The following TRANK1 variants were observed in gnomAD, a reference collection of about 807,000 sequenced individuals.
TRANK1 encodes TPR and ankyrin repeat-containing protein 1.
TRANK1 carries 198 observed loss-of-function variants against 266.0 expected under a neutral mutation model. The observed-to-expected ratio is 0.74, with a 90% CI of 0.66 to 0.84. The LOEUF (loss-of-function observed/expected upper bound fraction) is 0.84, where lower values mean the gene tolerates loss of function less well. Among genes scored for constraint, TRANK1 ranks in the 40% least tolerant of loss-of-function variants. The pLI is 0.00. For synonymous variants in TRANK1, 1,396 were observed against 1,384.1 expected, an observed-to-expected ratio of 1.01 and a Z score of -0.19; for missense variants, 3,326 against 3,634.6, an observed-to-expected ratio of 0.92 and a Z score of 2.18.
At position 36,831,828 on chromosome 3, in the gene TRANK1, C is replaced by G. The variant is rs370288338; in HGVS notation, c.7755G>C (p.Leu2585=). The change falls in exon 22 of 24, where the codon CTG becomes CTC. Residue 2585 remains leucine (L), a synonymous_variant. Coordinates refer to ENST00000645898, the MANE Select transcript of TRANK1 (RefSeq NM_001329998.2). The surrounding 1 kb of genome is among the most constrained non-coding windows in gnomAD (Gnocchi z 5.0). ...EILQPYCKPL[L]YRHFREIESR... is the part of the protein sequence containing the mutation. ...ACTCAATCTCCCGGAAGTGGCGATA[C>G]AGGAGAGGCTTGCAGTATGGCTGCA... The G allele has an allele frequency of 1.2e-3, 1,966 of 1,613,888 alleles. 4 individuals carry two copies. Among genetic ancestry groups the G allele is most frequent in the Non-Finnish European group, 1.6e-3 (1,903 of 1,179,890 alleles).
intron 8 of TRANK1, among the ~76,000 whole-genome samples, chr3:36,876,194 C>T (rs2079386192): frequency 6.6e-6 from 1 of 152,222 alleles, no homozygotes. Context: ...CTCAGCCTTA[C>T]CAGATTTGAT....
chr3:36,842,801 C>G (rs548493018), intron 17 of TRANK1, 91 bp from the exon 18 acceptor site: 27 of 1,119,278 alleles, frequency 2.4e-5, no homozygotes, highest in Non-Finnish European at 3.2e-5. Flanking sequence ...CCTCCGCCAG[C>G]CATCAAATTC....
chr3:36,847,002 A>G (rs1330261624), intron 16 of TRANK1, among the ~76,000 whole-genome samples, 198 bp downstream of exon 16: 7 of 152,060 alleles, frequency 4.6e-5, no homozygotes, highest in Admixed American at 4.6e-4. Context: ...GTATCCACCC[A>G]TCAAGCCCAG....
At chr3:36,935,079 C>T (rs1456433556) in intron 1 of TRANK1, among the ~76,000 whole-genome samples, 1 of 152,174 alleles carries the variant, frequency 6.6e-6, no homozygotes, top group Admixed American at 6.5e-5. Flanking sequence ...CCAAGATCAC[C>T]CAGGCCCCCA....
chr3:36,889,185 A>C (rs533640762), intron 8 of TRANK1, among the ~76,000 whole-genome samples: 30 of 152,296 alleles, frequency 2.0e-4, no homozygotes, highest in African/African-American at 7.0e-4. Flanking sequence ...ACAGAGGCTG[A>C]GAGTCCACTG....
chr3:36,936,185 C>T (rs373019214), intron 1 of TRANK1, among the ~76,000 whole-genome samples: 7 of 152,004 alleles, frequency 4.6e-5, no homozygotes, highest in Non-Finnish European at 7.4e-5. Context: ...AGCATTTGCA[C>T]GCACAAAAAA....
intron 1 of TRANK1, among the ~76,000 whole-genome samples, chr3:36,926,237 A>G (rs909570868): frequency 3.9e-5 from 6 of 152,106 alleles, no homozygotes; most frequent in Admixed American, 2.0e-4. Context: ...TTATTCGTCT[A>G]TCATGGCTAA....
chr3:36,870,640 C>T (rs753559559), intron 9 of TRANK1, among the ~76,000 whole-genome samples: 1 of 152,128 alleles, frequency 6.6e-6, no homozygotes, highest in Admixed American at 6.5e-5. Flanking sequence ...AAACGTCCAA[C>T]AAGTTTACCA....
chr3:36,892,911 C>G lies in TRANK1; in HGVS notation c.626G>C (p.Ser209Thr). Residue 209 changes from serine (S) to threonine (T), a missense_variant, in exon 6 of 24, where the codon AGT becomes ACT. By Grantham distance (58) the Ser-to-Thr change is moderately conservative. Transcript: ENST00000645898. ...NIHVPELSLK[S>T]LFEKYVFIGL... ...TATATATCACCTTACCTCAAAGAGA[C>G]TTTTCAGTGATAACTCTGGGACATG... 6.8e-7 allele frequency: 1 copy of G among 1,475,930 alleles called. No individual in the cohort carries two copies. The highest frequency in any genetic ancestry group is 8.9e-7 in the Non-Finnish European group (1 of 1,119,964). The allele number at this position is 1,475,930 out of a possible 1,614,324, so 91.4% of individuals were successfully genotyped here.
At chr3:36,906,301 A>C (rs2079966943) in intron 2 of TRANK1, among the ~76,000 whole-genome samples, 2 of 152,174 alleles carry the variant, frequency 1.3e-5, no homozygotes, top group African/African-American at 4.8e-5. Flanking sequence ...TCCTAGCACA[A>C]GTTTAGGTTG....
At chr3:36,847,096 A>C in intron 16 of TRANK1, 104 bp downstream of exon 16, 1 of 1,375,574 alleles carries the variant, frequency 7.3e-7, no homozygotes, top group African/African-American at 1.5e-5. Context: ...TTGCTGAGGA[A>C]AACCAGCCAA....
intron 9 of TRANK1, among the ~76,000 whole-genome samples, chr3:36,864,852 C>T (rs371696209): frequency 6.6e-6 from 1 of 152,038 alleles, no homozygotes. Flanking sequence ...GCCTAGTTGT[C>T]CAAACTGAGA....
At chr3:36,936,205 A>G (rs1209206082) in intron 1 of TRANK1, among the ~76,000 whole-genome samples, 1 of 152,124 alleles carries the variant, frequency 6.6e-6, no homozygotes, top group Admixed American at 6.5e-5. Context: ...AAGAAAAGGG[A>G]TAGGTGTGGT....
Position 36,855,381 on chromosome 3 carries a change from C to T in TRANK1, c.4341G>A (p.Leu1447=), listed in dbSNP as rs749365467. 7 of 1,614,052 alleles carry T rather than the reference C, an allele frequency of 4.3e-6. No homozygotes were observed. The South Asian group carries it at 7.7e-5, about 18-fold the overall frequency. The part of the protein sequence containing the change: ...DEIQDFTQAE[L]ALLMKCINDP... Reference sequence around the variant, plus strand: ...CATTGATGCATTTCATCAGCAGCGCCAGCTCGGCCTGGGTAAAGTCTTGAA... The same window carrying T: ...CATTGATGCATTTCATCAGCAGCGCTAGCTCGGCCTGGGTAAAGTCTTGAA... The change falls in exon 13 of 24, where the codon CTG becomes CTA. Residue 1447 remains leucine, a synonymous_variant. Transcript: ENST00000645898.
chr3:36,889,979 A>C lies in TRANK1; in HGVS notation c.776-19T>G. On this transcript the variant is annotated intron_variant, in intron 7 of 23. Coordinates refer to ENST00000645898, the MANE Select transcript of TRANK1 (RefSeq NM_001329998.2). ...TTTTCTCCTGAAGGGAATTAAAATG[A>C]CTTACTAATGTTTTCCACATACAGA... 1 of 1,535,436 alleles carries C rather than the reference A, an allele frequency of 6.5e-7. No homozygotes were observed. Among genetic ancestry groups the C allele is most frequent in the Non-Finnish European group, 8.7e-7 (1 of 1,146,140 alleles).
intron 1 of TRANK1, among the ~76,000 whole-genome samples, chr3:36,913,483 C>G (rs976380025): frequency 1.3e-5 from 2 of 150,928 alleles, no homozygotes; most frequent in African/African-American, 4.9e-5. Context: ...CTCCTCTCCT[C>G]TCTTTCTTTC....
Position 36,850,852 on chromosome 3 carries a change from C to T in TRANK1, c.4887+867G>A, listed in dbSNP as rs186018197. ...TTTTAAAGTGTTAAAGCCAACAGTGCTCTTGACTTGGGTATAACATAGCCC... is the reference window on the plus strand; with the variant it reads ...TTTTAAAGTGTTAAAGCCAACAGTGTTCTTGACTTGGGTATAACATAGCCC... On this transcript the variant is annotated intron_variant, in intron 15 of 23. Coordinates refer to ENST00000645898, the MANE Select transcript of TRANK1 (RefSeq NM_001329998.2). 5.4e-3 allele frequency: 5,347 copies of T among 985,366 alleles called. 31 individuals are homozygous for T. The highest frequency in any genetic ancestry group is 0.033 in the South Asian group (712 of 21,292). The allele number at this position is 985,366 out of a possible 1,614,324, so 61.0% of individuals were successfully genotyped here. A position where few individuals can be genotyped will look rare whatever the true frequency, so the allele number is the denominator to read the frequency against.
intron 1 of TRANK1, among the ~76,000 whole-genome samples, chr3:36,916,146 A>G (rs1237850511): frequency 6.6e-6 from 1 of 152,244 alleles, no homozygotes; most frequent in Non-Finnish European, 1.5e-5. Flanking sequence ...TATGACTAGT[A>G]CAAATGAAGA....
At chr3:36,917,511 G>T (rs541452658) in intron 1 of TRANK1, among the ~76,000 whole-genome samples, 1 of 152,258 alleles carries the variant, frequency 6.6e-6, no homozygotes, top group South Asian at 2.1e-4. Flanking sequence ...CCCGTACCAG[G>T]ACCAGGAAAG....
Sources: gnomAD v4.1 joint callset for allele counts (sites outside exome capture counted in the v4.1 genomes callset) on GRCh38, gnomAD v4.1.1 for gene constraint, Gnocchi (gnomAD v3.1) non-coding constraint, MANE v1.5 for transcripts, NCBI Gene and HGNC (gene_info 2026-07-23, HGNC 2026-07-21) for gene names.